The following SFXN1 variants were observed in gnomAD, a reference collection of about 807,000 sequenced individuals.
SFXN1 encodes the protein sideroflexin 1, also known as sideroflexin-1.
Under a neutral mutation model 39.5 loss-of-function variants are expected in SFXN1, and 32 were observed. The ratio of observed to expected loss-of-function variants is 0.81; its 90% CI spans 0.61 to 1.09. SFXN1 has a LOEUF of 1.09. Ranked by LOEUF, SFXN1 falls within the 50% of genes least tolerant of loss-of-function variation. The pLI is 0.00. For missense variants in SFXN1, 402 were observed against 407.1 expected, an observed-to-expected ratio of 0.99 and a Z score of 0.11; for synonymous variants, 136 against 146.5, an observed-to-expected ratio of 0.93 and a Z score of 0.52.
chr5:175,492,310 C>T, intron 2 of SFXN1, 43 bp downstream of exon 2: 1 of 1,467,090 alleles, frequency 6.8e-7, no homozygotes, highest in African/African-American at 1.4e-5. Context: ...ATAAATAGAT[C>T]ATCATGTTAG....
chr5:175,491,933 C>A, intron 1 of SFXN1, 162 bp from the exon 2 acceptor site: 1 of 476,818 alleles, frequency 2.1e-6, no homozygotes, highest in Non-Finnish European at 3.7e-6. Context: ...ACAAACTTAG[C>A]TTTGAATTTA....
chr5:175,524,870 CCAA>C (rs1761012373), intron 10 of SFXN1, among the ~76,000 whole-genome samples: 1 of 152,098 alleles, frequency 6.6e-6, no homozygotes, highest in South Asian at 2.1e-4. Flanking sequence ...AAAAATAATA[CCAA>C]CATTATACCA....
chr5:175,499,672 G>A (rs1016648718), intron 2 of SFXN1, among the ~76,000 whole-genome samples: 3 of 152,164 alleles, frequency 2.0e-5, no homozygotes, highest in Non-Finnish European at 2.9e-5. Flanking sequence ...AAAACCCTAC[G>A]ACTAACATCA....
chr5:175,502,343 G>A (rs1412076786), intron 2 of SFXN1, among the ~76,000 whole-genome samples: 2 of 152,112 alleles, frequency 1.3e-5, no homozygotes, highest in Non-Finnish European at 2.9e-5. Flanking sequence ...GTCTTGGGGG[G>A]TGTTATCAAT....
At chr5:175,484,414 G>A (rs1055848091) in intron 1 of SFXN1, among the ~76,000 whole-genome samples, 2 of 152,098 alleles carry the variant, frequency 1.3e-5, no homozygotes, top group Non-Finnish European at 2.9e-5. Flanking sequence ...CCCACAACCC[G>A]GCCCTCCTGA....
rs145100291 is a variant in SFXN1, at chr5:175,509,096, T to G, written c.229T>G (p.Ser77Ala). 102 of 1,614,022 alleles carry G rather than the reference T, an allele frequency of 6.3e-5. No homozygotes were observed. Among genetic ancestry groups the G allele is most frequent in the Non-Finnish European group, 8.4e-5 (99 of 1,179,978 alleles). ...GTGGAGAGCAAAGTACATCTATGAT[T>G]CAGCTTTTCATCCTGACACTGGTGA... Reference protein sequence around the residue: ...ELWRAKYIYDSAFHPDTGEKM... With the variant: ...ELWRAKYIYDAAFHPDTGEKM... Residue 77 changes from serine (S) to alanine (A), a missense_variant, in exon 3 of 11, where the codon TCA becomes GCA. Transcript: ENST00000321442.
intron 2 of SFXN1, among the ~76,000 whole-genome samples, chr5:175,505,441 G>A (rs1406343473): frequency 2.0e-5 from 3 of 151,488 alleles, no homozygotes; most frequent in Admixed American, 6.6e-5. Context: ...GGAGGCCGGG[G>A]CAGGAGCATT....
rs772686761 is a variant in SFXN1, at chr5:175,509,221, G to A, written c.335+19G>A. 8.2e-6 allele frequency: 13 copies of A among 1,591,278 alleles called. No individual in the cohort carries two copies. Among genetic ancestry groups the A allele is most frequent in the Non-Finnish European group, 1.1e-5 (13 of 1,169,436 alleles). ...TTTACAGGTATGTTATGAATATGTAGCAACAGTGTGTTTACCATTACAGAA... is the reference window on the plus strand; with the variant it reads ...TTTACAGGTATGTTATGAATATGTAACAACAGTGTGTTTACCATTACAGAA... On this transcript the variant is annotated intron_variant, in intron 3 of 10. Coordinates refer to ENST00000321442, the MANE Select transcript of SFXN1 (RefSeq NM_022754.7).
At chr5:175,511,693 G>T in intron 5 of SFXN1, 167 bp downstream of exon 5, 1 of 632,140 alleles carries the variant, frequency 1.6e-6, no homozygotes, top group Admixed American at 2.9e-5. Context: ...AGTTTGGGAA[G>T]AGTTGTCACC....
chr5:175,528,703 C>G lies in SFXN1; in HGVS notation c.*1969C>G, dbSNP rs1761149464. On this transcript the variant is annotated 3_prime_UTR_variant, in exon 11 of 11. Coordinates refer to ENST00000321442, the MANE Select transcript of SFXN1 (RefSeq NM_022754.7). ...CCTTCCTTGATGCTGCCAGAGTCTTCTTATTTAGATTTTCTGTCTTAAACC... is the reference window on the plus strand; with the variant it reads ...CCTTCCTTGATGCTGCCAGAGTCTTGTTATTTAGATTTTCTGTCTTAAACC... 6.6e-6 allele frequency: 1 copy of G among 152,106 alleles called. No individual in the cohort carries two copies. 9.4% of individuals were successfully genotyped at this position (152,106 alleles called of 1,614,324 possible).
At chr5:175,522,528 A>T in intron 10 of SFXN1, 106 bp downstream of exon 10, 1 of 1,156,364 alleles carries the variant, frequency 8.6e-7, no homozygotes, top group Non-Finnish European at 1.2e-6. Context: ...GTTGAGACTC[A>T]AAAGATACTG....
intron 7 of SFXN1, 108 bp downstream of exon 7, chr5:175,513,698 C>A: frequency 8.2e-7 from 1 of 1,225,374 alleles, no homozygotes. Flanking sequence ...TGGAAATTGC[C>A]TTCCACTGGG....
At chr5:175,513,805 CG>C in intron 7 of SFXN1, 1 of 437,070 alleles carries the variant, frequency 2.3e-6, no homozygotes, top group African/African-American at 2.0e-5. Flanking sequence ...GTAGGGCAGC[CG>C]GGGAAGAGCA....
chr5:175,508,661 C>CA lies in SFXN1; in HGVS notation c.165-370dup, dbSNP rs1217820640. On this transcript the variant is annotated intron_variant, in intron 2 of 10. Transcript: ENST00000321442. ...TGAGCATAAATTTTTTTTTTTGAGACAGAGTCTCGCTTTGTCACCAGGCTG... is the reference window on the plus strand; with the variant it reads ...TGAGCATAAATTTTTTTTTTTGAGACAAGAGTCTCGCTTTGTCACCAGGCTG... Among the ~76,000 whole-genome samples, 25 of 151,312 alleles carry CA rather than the reference C, an allele frequency of 1.7e-4. 1 individual carries two copies. Among genetic ancestry groups the CA allele is most frequent in the African/African-American group, 6.1e-4 (25 of 41,090 alleles).
At position 175,492,143 on chromosome 5, in the gene SFXN1, C is replaced by A. The variant is rs768846598; in HGVS notation, c.40C>A (p.Pro14Thr). ...ACCACCAAACATTAACATCAAGGAACCTCGATGGGATCAAAGCACTTTCAT... is the reference window on the plus strand; with the variant it reads ...ACCACCAAACATTAACATCAAGGAAACTCGATGGGATCAAAGCACTTTCAT... ...ELPPNINIKE[P>T]RWDQSTFIGR... The change falls in exon 2 of 11, where the codon CCT becomes ACT. Residue 14 changes from proline to threonine, a missense_variant. Transcript: ENST00000321442. 3 of 1,613,924 alleles carry A rather than the reference C, an allele frequency of 1.9e-6. No individual in the cohort carries two copies. In the Admixed American group the frequency reaches 5.0e-5, roughly 27 times the overall value.
chr5:175,520,194 AAT>A (rs1377420414), intron 8 of SFXN1, among the ~76,000 whole-genome samples: 2 of 151,562 alleles, frequency 1.3e-5, no homozygotes, highest in African/African-American at 2.4e-5. Context: ...TACTTCATTG[AAT>A]ATATATATGT....
intron 5 of SFXN1, 106 bp from the exon 6 acceptor site, chr5:175,512,005 C>A: frequency 9.7e-7 from 1 of 1,028,106 alleles, no homozygotes; most frequent in Non-Finnish European, 1.4e-6. Flanking sequence ...AGTTTCTATG[C>A]AAATGGGACT....
At chr5:175,506,060 T>C (rs1826790) in intron 2 of SFXN1, among the ~76,000 whole-genome samples, 37,773 of 152,122 alleles carry the variant, frequency 0.25, 6,470 homozygotes, top group African/African-American at 0.48. Flanking sequence ...TCAGGTGATC[T>C]GCCCGTCTCG....
At chr5:175,526,043 C>T (rs944858611) in intron 10 of SFXN1, 2 of 151,700 alleles carry the variant, frequency 1.3e-5, no homozygotes, top group Non-Finnish European at 2.9e-5. Context: ...AATATATATA[C>T]ACCCATAATA....
Sources: gnomAD v4.1 joint callset for allele counts (sites outside exome capture counted in the v4.1 genomes callset) on GRCh38, gnomAD v4.1.1 for gene constraint, MANE v1.5 for transcripts, NCBI Gene and HGNC (gene_info 2026-07-23, HGNC 2026-07-21) for gene names.